Variants in INPP5D observed in about 807,000 individuals in gnomAD.
The protein encoded by INPP5D is inositol polyphosphate-5-phosphatase D.
INPP5D carries 33 observed loss-of-function variants against 122.9 expected under a neutral mutation model. The observed-to-expected ratio is 0.27, with a 90% CI of 0.20 to 0.36. INPP5D has a LOEUF of 0.36. Ranked by LOEUF, INPP5D falls within the 10% of genes least tolerant of loss-of-function variation. The pLI, the probability that INPP5D is intolerant of heterozygous loss-of-function variation, is 1.00. For missense variants in INPP5D, 1,053 were observed against 1,412.7 expected, an observed-to-expected ratio of 0.75 and a Z score of 4.08; for synonymous variants, 584 against 576.2, an observed-to-expected ratio of 1.01 and a Z score of -0.19.
At chr2:233,131,450 A>G (rs1478297693) in intron 5 of INPP5D, among the ~76,000 whole-genome samples, 6 of 151,622 alleles carry the variant, frequency 4.0e-5, no homozygotes. Flanking sequence ...TAATACCAAC[A>G]CTTTGGGAGG....
intron 9 of INPP5D, among the ~76,000 whole-genome samples, chr2:233,152,984 T>C (rs36149367): frequency 0.61 from 93,273 of 152,070 alleles, 30,322 homozygotes; most frequent in East Asian, 0.98. Flanking sequence ...ATGATAGCAG[T>C]CAGGCAAGAG....
chr2:233,181,674 C>T (rs1227454462), intron 18 of INPP5D, among the ~76,000 whole-genome samples: 3 of 152,180 alleles, frequency 2.0e-5, no homozygotes, highest in Non-Finnish European at 4.4e-5. Flanking sequence ...GTTTTCTACA[C>T]TTAGCGTCCT....
At position 233,164,247 on chromosome 2, in the gene INPP5D, C is replaced by A; in HGVS notation, c.1438-60C>A. ...TGCGGCTGGGGCTGGGTGTGAATCACTGTGCCCTGGTTCACACCCTACACT... is the reference window on the plus strand; with the variant it reads ...TGCGGCTGGGGCTGGGTGTGAATCAATGTGCCCTGGTTCACACCCTACACT... On this transcript the variant is annotated intron_variant, in intron 12 of 26. Coordinates refer to ENST00000445964, the MANE Select transcript of INPP5D (RefSeq NM_001017915.3). This position sits in a 1 kb window ranked among gnomAD's most constrained non-coding sequence, Gnocchi z 4.3. 6.7e-7 allele frequency: 1 copy of A among 1,499,168 alleles called. No homozygotes were observed. The highest frequency in any genetic ancestry group is 8.9e-7 in the Non-Finnish European group (1 of 1,118,516). The allele number at this position is 1,499,168 out of a possible 1,614,324, so 92.9% of individuals were successfully genotyped here. A position where few individuals can be genotyped will look rare whatever the true frequency, so the allele number is the denominator to read the frequency against.
intron 2 of INPP5D, among the ~76,000 whole-genome samples, chr2:233,089,227 C>T (rs1326952967): frequency 1.3e-5 from 2 of 152,176 alleles, no homozygotes; most frequent in East Asian, 3.9e-4. Flanking sequence ...TGGGGCCTAT[C>T]TTGTCATCCC....
chr2:233,085,086 C>T (rs1396614206), intron 2 of INPP5D, among the ~76,000 whole-genome samples: 1 of 152,136 alleles, frequency 6.6e-6, no homozygotes, highest in East Asian at 1.9e-4. Flanking sequence ...GCACTACCTT[C>T]AAGAATGTAG....
chr2:233,178,254 T>C (rs10929072), intron 18 of INPP5D, among the ~76,000 whole-genome samples: 101,253 of 151,916 alleles, frequency 0.67, 34,732 homozygotes, highest in African/African-American at 0.83. Context: ...CAACGTAGAC[T>C]CCATCTCTGA....
At chr2:233,098,936 T>TTTTATTTATTTATTTATTTATTTA (rs57540040) in intron 2 of INPP5D, among the ~76,000 whole-genome samples, 1,497 of 146,056 alleles carry the variant, frequency 0.01, 34 homozygotes, top group East Asian at 0.012. Context: ...GGAACTTTAT[T>TTTTATTTATTTATTTATTTATTTA]TTTATTTATT....
intron 26 of INPP5D, 133 bp downstream of exon 26, chr2:233,204,850 A>T: frequency 7.5e-7 from 1 of 1,334,840 alleles, no homozygotes; most frequent in Non-Finnish European, 9.8e-7. Flanking sequence ...GTGTGAACGC[A>T]TGCATGTGCA....
rs1213739955 is a variant in INPP5D at position 233,100,746 on chromosome 2, C to G, written c.198+21348C>G. Among the ~76,000 whole-genome samples the G allele has an allele frequency of 6.6e-6, 1 of 152,228 alleles. No individual in the cohort carries two copies. Among genetic ancestry groups the G allele is most frequent in the Non-Finnish European group, 1.5e-5 (1 of 68,042 alleles). On this transcript the variant is annotated intron_variant, in intron 2 of 26. Coordinates refer to ENST00000445964, the MANE Select transcript of INPP5D (RefSeq NM_001017915.3). This position sits in a 1 kb window ranked among gnomAD's most constrained non-coding sequence, Gnocchi z 5.3. ...TTCCTTTGCAGGTGTGACCTGTCTGCTCCTGTTAGAGCCTCCTTTCCCCAG... is the reference window on the plus strand; with the variant it reads ...TTCCTTTGCAGGTGTGACCTGTCTGGTCCTGTTAGAGCCTCCTTTCCCCAG...
chr2:233,184,303 C>T, intron 19 of INPP5D, 105 bp from the exon 20 acceptor site: 3 of 1,469,582 alleles, frequency 2.0e-6, no homozygotes, highest in African/African-American at 1.4e-5. Flanking sequence ...CTCCCACCTT[C>T]CTGGGACCCT....
At chr2:233,141,362 T>C (rs1693628188) in intron 6 of INPP5D, 1 of 152,082 alleles carries the variant, frequency 6.6e-6, no homozygotes, top group South Asian at 2.1e-4. Context: ...AGGTCGGGAA[T>C]TTGAGACCAA....
At position 233,075,894 on chromosome 2, in the gene INPP5D, C is replaced by T. The variant is rs527994553; in HGVS notation, c.135-3441C>T. Among the ~76,000 whole-genome samples the T allele has an allele frequency of 4.6e-5, 7 of 152,270 alleles. No homozygotes were observed. In the South Asian group the frequency reaches 1.2e-3, roughly 27 times the overall value. On this transcript the variant is annotated intron_variant, in intron 1 of 26. Transcript: ENST00000445964. ...TTAACATCTGCTGAGATGTTACTGT[C>T]TAAGGGGGAAGTATCTTCTTCCTGT...
intron 17 of INPP5D, among the ~76,000 whole-genome samples, chr2:233,172,372 C>T (rs1032938846): frequency 6.6e-6 from 1 of 152,048 alleles, no homozygotes; most frequent in Non-Finnish European, 1.5e-5. Flanking sequence ...GTGGCATGTG[C>T]AGAATTGTGG....
chr2:233,108,427 C>T (rs1219719346), intron 2 of INPP5D, among the ~76,000 whole-genome samples: 1 of 152,260 alleles, frequency 6.6e-6, no homozygotes, highest in Non-Finnish European at 1.5e-5. Flanking sequence ...ATCAAACCCA[C>T]CTGCACTATT....
intron 2 of INPP5D, among the ~76,000 whole-genome samples, chr2:233,101,080 A>C (rs929678771): frequency 6.6e-6 from 1 of 152,196 alleles, no homozygotes; most frequent in African/African-American, 2.4e-5. Flanking sequence ...CGGGTGTATC[A>C]GGAGGTCTGG....
chr2:233,167,532 C>G (rs1559330382), intron 13 of INPP5D, among the ~76,000 whole-genome samples: 1 of 152,152 alleles, frequency 6.6e-6, no homozygotes, highest in Non-Finnish European at 1.5e-5. Flanking sequence ...GAACCAGTTG[C>G]TCAGTTCCAG....
In INPP5D at chr2:233,204,624, C is replaced by G. The variant is rs1695436654; in HGVS notation, c.3474C>G (p.Gly1158=). 6.3e-7 allele frequency: 1 copy of G among 1,578,086 alleles called. No individual in the cohort carries two copies. Among genetic ancestry groups the G allele is most frequent in the Non-Finnish European group, 8.6e-7 (1 of 1,163,782 alleles). Reference sequence around the variant, plus strand: ...TGCTGCACCTCCAGCACTCCAAGGGCCGCGACTACCGCGACAACACCGAGC... The same window carrying G: ...TGCTGCACCTCCAGCACTCCAAGGGGCGCGACTACCGCGACAACACCGAGC... ...PAVLHLQHSK[G]RDYRDNTELP... The change falls in exon 26 of 27, where the codon GGC becomes GGG. Residue 1158 remains glycine, a synonymous_variant. Transcript: ENST00000445964.
rs186014148 is a variant in INPP5D, at chr2:233,130,530, G to T, written c.547G>T (p.Ala183Ser). Reference protein sequence around the residue: ...TSGLPEEHLKAIQDYLSTQLA... With the variant: ...TSGLPEEHLKSIQDYLSTQLA... The stretch of plus-strand genomic sequence containing the variant: ...TAGGCTTCCAGAAGAGCATCTTAAG[G>T]CCATCCAAGATTATTTAAGCACTCA... The change falls in exon 5 of 27, where the codon GCC becomes TCC. Residue 183 changes from alanine to serine, a missense_variant. Ala to Ser is a moderately conservative substitution (Grantham distance 99). This residue lies in a region of INPP5D where 196 missense variants were observed against 175.6 expected (regional missense o/e 1.12). Coordinates refer to ENST00000445964, the MANE Select transcript of INPP5D (RefSeq NM_001017915.3). 17 of 1,613,892 alleles carry T rather than the reference G, an allele frequency of 1.1e-5. No homozygotes were observed. Among genetic ancestry groups the T allele is most frequent in the Middle Eastern group, 1.6e-4 (1 of 6,062 alleles).
chr2:233,112,340 T>C (rs1319829410), intron 2 of INPP5D, among the ~76,000 whole-genome samples: 1 of 152,266 alleles, frequency 6.6e-6, no homozygotes. Flanking sequence ...GATGTTTGAA[T>C]TGTGCTGGAT....
Sources: gnomAD v4.1 joint callset for allele counts (sites outside exome capture counted in the v4.1 genomes callset) on GRCh38, gnomAD v4.1.1 for gene constraint, gnomAD v4.1.1 regional missense constraint, Gnocchi (gnomAD v3.1) non-coding constraint, MANE v1.5 for transcripts, NCBI Gene and HGNC (gene_info 2026-07-23, HGNC 2026-07-21) for gene names.